NRG1: variants seen among roughly 807,000 people sequenced by gnomAD.
NRG1 encodes pro-neuregulin-1, membrane-bound isoform.
In NRG1, 18 loss-of-function variants were observed where a neutral mutation model predicts 63.8. The observed-to-expected ratio is 0.28, with a 90% confidence interval of 0.19 to 0.42. NRG1 has a LOEUF of 0.42. NRG1 is among the 10% of genes least tolerant of loss of function. The pLI is 1.00. For missense variants in NRG1, 762 were observed against 814.7 expected, an observed-to-expected ratio of 0.94 and a Z score of 0.79; for synonymous variants, 302 against 301.3, an observed-to-expected ratio of 1.00 and a Z score of -0.02.
At chr8:31,875,184 C>T (rs546377033) in intron 1 of NRG1, among the ~76,000 whole-genome samples, 1 of 152,246 alleles carries the variant, frequency 6.6e-6, no homozygotes, top group African/African-American at 2.4e-5. Flanking sequence ...TATCCATTCT[C>T]CACCATTCCT....
chr8:31,750,593 G>T (rs1219258226), intron 1 of NRG1, among the ~76,000 whole-genome samples: 1 of 151,920 alleles, frequency 6.6e-6, no homozygotes, highest in African/African-American at 2.4e-5. Context: ...GGATTCTGAT[G>T]CATCTGTCAC....
intron 3 of NRG1, among the ~76,000 whole-genome samples, chr8:32,610,299 C>T (rs944219258): frequency 6.6e-6 from 1 of 151,908 alleles, no homozygotes; most frequent in Non-Finnish European, 1.5e-5. Flanking sequence ...TTGTATGTTC[C>T]AACATGTTTA....
At chr8:32,667,697 G>A (rs879691976) in intron 5 of NRG1, among the ~76,000 whole-genome samples, 2 of 151,910 alleles carry the variant, frequency 1.3e-5, no homozygotes, top group Admixed American at 6.6e-5. Flanking sequence ...GAGTTCACTT[G>A]TTTCTTCTCT....
chr8:32,647,826 G>A (rs1438711928), intron 5 of NRG1: 2 of 1,613,874 alleles, frequency 1.2e-6, no homozygotes, highest in Non-Finnish European at 8.5e-7. Context: ...GGCAGCAGAA[G>A]ACATGCCAGA....
chr8:31,947,295 A>G (rs1802713019), intron 1 of NRG1, among the ~76,000 whole-genome samples: 2 of 143,524 alleles, frequency 1.4e-5, no homozygotes, highest in Non-Finnish European at 3.0e-5. Flanking sequence ...CGACAGAGTG[A>G]GACTCCGTCT....
intron 5 of NRG1, among the ~76,000 whole-genome samples, chr8:32,722,364 T>C (rs1201232456): frequency 6.6e-6 from 1 of 152,186 alleles, no homozygotes; most frequent in Non-Finnish European, 1.5e-5. Flanking sequence ...TCTACTTCAC[T>C]GATAAGGAAA....
chr8:32,294,721 G>A (rs1854629760), intron 1 of NRG1, among the ~76,000 whole-genome samples: 1 of 152,138 alleles, frequency 6.6e-6, no homozygotes, highest in Non-Finnish European at 1.5e-5. Flanking sequence ...GTCAGGAGAG[G>A]CTCTGGCAGA....
intron 1 of NRG1, among the ~76,000 whole-genome samples, chr8:31,859,173 T>C (rs1244211463): frequency 6.6e-6 from 1 of 152,192 alleles, no homozygotes; most frequent in African/African-American, 2.4e-5. Context: ...ATTTGAAAAT[T>C]AGTAAAATTG....
At chr8:32,346,149 TTA>T (rs201292785) in intron 1 of NRG1, among the ~76,000 whole-genome samples, 3,097 of 146,786 alleles carry the variant, frequency 0.021, 104 homozygotes, top group African/African-American at 0.072. Flanking sequence ...TACCTATAAA[TTA>T]TATATATAAT....
intron 1 of NRG1, among the ~76,000 whole-genome samples, chr8:31,736,532 C>T (rs185421388): frequency 1.1e-4 from 17 of 152,154 alleles, no homozygotes; most frequent in Admixed American, 1.0e-3. Context: ...GGGTAGTAGA[C>T]CCAATCTTGC....
intron 1 of NRG1, among the ~76,000 whole-genome samples, chr8:31,723,601 A>T (rs1020256602): frequency 1.3e-5 from 2 of 151,974 alleles, no homozygotes; most frequent in Non-Finnish European, 2.9e-5. Context: ...GGGACTATAG[A>T]TGTGTGCTGT....
chr8:32,659,084 G>A (rs1236333980), intron 5 of NRG1, among the ~76,000 whole-genome samples: 2 of 150,656 alleles, frequency 1.3e-5, no homozygotes, highest in African/African-American at 4.9e-5. Flanking sequence ...TGTTTTATTT[G>A]TTCACTTGTT....
intron 1 of NRG1, among the ~76,000 whole-genome samples, chr8:31,800,837 CTTTT>C (rs5890598): frequency 3.8e-5 from 4 of 105,042 alleles, no homozygotes; most frequent in African/African-American, 1.1e-4. Context: ...AGTCTCCTTT[CTTTT>C]TTTTTTTTTT....
intron 1 of NRG1, among the ~76,000 whole-genome samples, chr8:31,713,517 C>A (rs2131268380): frequency 1.3e-5 from 2 of 152,188 alleles, no homozygotes; most frequent in Middle Eastern, 3.4e-3. Flanking sequence ...TTGGTATTTT[C>A]TGAGAACTGT....
chr8:32,517,121 A>C (rs1829900757), intron 1 of NRG1, among the ~76,000 whole-genome samples: 1 of 152,080 alleles, frequency 6.6e-6, no homozygotes, highest in South Asian at 2.1e-4. Context: ...TTTGGGGCTT[A>C]TTTTACCTTT....
rs16879445 is a variant in NRG1, at chr8:32,467,568, T to C, written c.38-128260T>C. 0.057 allele frequency among the ~76,000 whole-genome samples: 8,622 copies of C among 152,294 alleles called. 1,175 individuals are homozygous for C. In the East Asian group the frequency reaches 0.62, roughly 11 times the overall value. On this transcript the variant is annotated intron_variant, in intron 1 of 10. Coordinates refer to the NRG1 transcript ENST00000519301. ...ATAGAGCTTAATTCATAGAAATCAC[T>C]TATTCATTCAAAAAGCATTCACTGA...
In NRG1 at chr8:32,424,552, C is replaced by T. The variant is rs371532789; in HGVS notation, c.38-171276C>T. On this transcript the variant is annotated intron_variant, in intron 1 of 10. Transcript: ENST00000519301. ...AGGAGATCTGGTTTAAGTTCCAGAT[C>T]TGCCTCTTACTAGTTTTAGAATCTT... Among the ~76,000 whole-genome samples, 18 of 152,308 alleles carry T rather than the reference C, an allele frequency of 1.2e-4. No individual in the cohort carries two copies. The East Asian group carries it at 2.7e-3, about 23-fold the overall frequency.
intron 1 of NRG1, among the ~76,000 whole-genome samples, chr8:31,694,767 A>C (rs900798082): frequency 6.6e-6 from 1 of 152,178 alleles, no homozygotes; most frequent in Non-Finnish European, 1.5e-5. Flanking sequence ...ACTTGGCATG[A>C]TCATCTTGCT....
At chr8:31,678,750 T>G (rs1284172907) in intron 1 of NRG1, among the ~76,000 whole-genome samples, 1 of 148,112 alleles carries the variant, frequency 6.8e-6, no homozygotes, top group African/African-American at 2.4e-5. Context: ...AAATTTATTT[T>G]AAGTTAAATA....
Sources: gnomAD v4.1 joint callset for allele counts (sites outside exome capture counted in the v4.1 genomes callset) on GRCh38, gnomAD v4.1.1 for gene constraint, MANE v1.5 for transcripts, NCBI Gene and HGNC (gene_info 2026-07-23, HGNC 2026-07-21) for gene names.